Variants in KCNMA1 observed in about 807,000 individuals in gnomAD.
KCNMA1 encodes the protein potassium calcium-activated channel subfamily M alpha 1.
In KCNMA1, 29 loss-of-function variants were observed where a neutral mutation model predicts 140.0. That is an observed-to-expected ratio of 0.21 (90% CI 0.15 to 0.28). The LOEUF (loss-of-function observed/expected upper bound fraction) is 0.28. Ranked by LOEUF, KCNMA1 falls within the 10% of genes least tolerant of loss-of-function variation. The pLI is 1.00. For missense variants in KCNMA1, 880 were observed against 1,602.2 expected (o/e 0.55, Z 7.70); for synonymous variants, 612 against 611.9 (o/e 1.00, Z 0.00).
At chr10:77,337,390 G>A (rs11002128) in intron 2 of KCNMA1, among the ~76,000 whole-genome samples, 30,446 of 152,188 alleles carry the variant, frequency 0.2, 3,343 homozygotes, top group East Asian at 0.33. Context: ...CAAGGCTAAG[G>A]CAGGCGGGTC....
rs558907932 is a variant in KCNMA1, at chr10:77,083,268, G to C, written c.1523+1369C>G. On this transcript the variant is annotated intron_variant, in intron 12 of 27. Coordinates refer to ENST00000286628, the MANE Select transcript of KCNMA1 (RefSeq NM_001161352.2). ...TGCTACAGAAAAGACAAATTCCAAA[G>C]GGCCTCTAACTACCTGGAGCAAAAT... 1.4e-3 allele frequency among the ~76,000 whole-genome samples: 210 copies of C among 152,162 alleles called. 2 individuals carry two copies. The highest frequency in any genetic ancestry group is 4.6e-3 in the African/African-American group (193 of 41,508).
chr10:77,501,268 C>T (rs752580847), intron 1 of KCNMA1, among the ~76,000 whole-genome samples: 6 of 152,242 alleles, frequency 3.9e-5, no homozygotes, highest in Non-Finnish European at 7.3e-5. Context: ...CTCACAGTGC[C>T]TGCACGGTGT....
chr10:77,413,501 G>A (rs956845632), intron 1 of KCNMA1, among the ~76,000 whole-genome samples: 3 of 152,128 alleles, frequency 2.0e-5, no homozygotes, highest in South Asian at 2.1e-4. Flanking sequence ...AGCAGCTCAA[G>A]CAAATCAAGC....
At chr10:77,580,049 A>C (rs1253049857) in intron 1 of KCNMA1, among the ~76,000 whole-genome samples, 1 of 152,188 alleles carries the variant, frequency 6.6e-6, no homozygotes, top group African/African-American at 2.4e-5. Context: ...AAAACAAACA[A>C]AAACCTTCAA....
chr10:76,939,233 G>A (rs980689181), intron 23 of KCNMA1: 1 of 144,966 alleles, frequency 6.9e-6, no homozygotes, highest in Non-Finnish European at 1.5e-5. Context: ...TGATTCTCCT[G>A]CCTTAGCCTC....
intron 1 of KCNMA1, among the ~76,000 whole-genome samples, chr10:77,618,738 G>T (rs1463027021): frequency 3.9e-5 from 6 of 152,214 alleles, no homozygotes; most frequent in African/African-American, 1.4e-4. Flanking sequence ...CCTATGTTCT[G>T]TGACATCACA....
chr10:77,313,755 G>A (rs149012278), intron 2 of KCNMA1, among the ~76,000 whole-genome samples: 23 of 152,288 alleles, frequency 1.5e-4, no homozygotes, highest in African/African-American at 5.1e-4. Flanking sequence ...GGATGAGGAA[G>A]TGAATCAATG....
chr10:77,508,203 T>C (rs1215524840), intron 1 of KCNMA1, among the ~76,000 whole-genome samples: 6 of 152,140 alleles, frequency 3.9e-5, no homozygotes, highest in Admixed American at 2.0e-4. Context: ...TGAGACAGGG[T>C]ATCACTGTAT....
intron 17 of KCNMA1, among the ~76,000 whole-genome samples, 194 bp downstream of exon 17, chr10:77,018,819 C>A (rs1447791125): frequency 6.6e-6 from 1 of 152,060 alleles, no homozygotes; most frequent in Admixed American, 6.6e-5. Context: ...CTTCCTAGTT[C>A]TAAAATTTTA....
At chr10:77,323,865 C>A (rs2083084551) in intron 2 of KCNMA1, among the ~76,000 whole-genome samples, 1 of 152,128 alleles carries the variant, frequency 6.6e-6, no homozygotes, top group Admixed American at 6.5e-5. Context: ...AGAGTTTGAA[C>A]TGGGCATAAA....
At chr10:77,364,856 T>C (rs956675571) in intron 2 of KCNMA1, among the ~76,000 whole-genome samples, 1 of 152,232 alleles carries the variant, frequency 6.6e-6, no homozygotes, top group African/African-American at 2.4e-5. Flanking sequence ...TACCTGCCTC[T>C]GATTAAACAG....
intron 1 of KCNMA1, among the ~76,000 whole-genome samples, chr10:77,577,747 A>G (rs760509306): frequency 3.5e-4 from 54 of 152,306 alleles, no homozygotes; most frequent in Middle Eastern, 3.4e-3. Context: ...TTGGTGGTGA[A>G]GCCAGAATTT....
chr10:77,506,644 GGA>G (rs36130333), intron 1 of KCNMA1, among the ~76,000 whole-genome samples: 71 of 37,760 alleles, frequency 1.9e-3, no homozygotes, highest in South Asian at 2.8e-3. Flanking sequence ...AGACAGAGAG[GGA>G]GAGAGAGAGA....
intron 15 of KCNMA1, among the ~76,000 whole-genome samples, chr10:77,038,889 T>A (rs151225319): frequency 2.2e-4 from 34 of 152,224 alleles, no homozygotes; most frequent in South Asian, 4.2e-4. Context: ...GCTCTTGAGG[T>A]CATCCCCCAT....
At chr10:77,177,186 A>G (rs2098757658) in intron 5 of KCNMA1, among the ~76,000 whole-genome samples, 1 of 152,096 alleles carries the variant, frequency 6.6e-6, no homozygotes, top group Non-Finnish European at 1.5e-5. Flanking sequence ...AAACTTCTAC[A>G]CCATTTTGCA....
intron 2 of KCNMA1, among the ~76,000 whole-genome samples, chr10:77,285,674 G>A (rs2070555454): frequency 1.2e-5 from 1 of 84,414 alleles, no homozygotes; most frequent in African/African-American, 5.3e-5. Context: ...TTTCTCTGGG[G>A]CTGTTACTGG....
At chr10:77,080,252 C>T (rs2096530914) in intron 12 of KCNMA1, among the ~76,000 whole-genome samples, 1 of 152,170 alleles carries the variant, frequency 6.6e-6, no homozygotes, top group South Asian at 2.1e-4. Flanking sequence ...AATCTGCATG[C>T]AATTAAAAGT....
At chr10:77,621,003 C>T (rs1018291640) in intron 1 of KCNMA1, among the ~76,000 whole-genome samples, 1 of 152,170 alleles carries the variant, frequency 6.6e-6, no homozygotes, top group Non-Finnish European at 1.5e-5. Flanking sequence ...CGGGAAAAGG[C>T]CAGCCATGCT....
intron 16 of KCNMA1, among the ~76,000 whole-genome samples, chr10:77,021,510 C>G (rs17480203): frequency 0.2 from 30,731 of 152,184 alleles, 4,123 homozygotes; most frequent in Non-Finnish European, 0.3. Context: ...AGGAGGTGCC[C>G]TATTGGCATT....
Sources: allele counts gnomAD v4.1 joint callset (sites outside exome capture counted in the v4.1 genomes callset), GRCh38; gene constraint gnomAD v4.1.1; transcripts MANE v1.5; gene names NCBI Gene and HGNC (gene_info 2026-07-23, HGNC 2026-07-21).